SNX18: variants seen among roughly 807,000 people sequenced by gnomAD.
SNX18 encodes the protein sorting nexin-18.
SNX18 carries 35 observed loss-of-function variants against 48.7 expected under a neutral mutation model. The observed-to-expected ratio is 0.72, with a 90% CI of 0.55 to 0.95. The LOEUF (loss-of-function observed/expected upper bound fraction) is 0.95, where lower values mean the gene tolerates loss of function less well. Ranked by LOEUF, SNX18 falls within the 40% of genes least tolerant of loss-of-function variation. The pLI, the probability that SNX18 is intolerant of heterozygous loss-of-function variation, is 0.00. For missense variants in SNX18, 824 were observed against 871.0 expected, an observed-to-expected ratio of 0.95 and a Z score of 0.68; for synonymous variants, 492 against 384.7, an observed-to-expected ratio of 1.28 and a Z score of -3.26.
At chr5:54,552,111 C>T in the SNX18 span, among the ~76,000 whole-genome samples, 1 of 152,338 alleles carries the variant, frequency 6.6e-6, no homozygotes, top group South Asian at 2.1e-4. Flanking sequence ...GGTGCCGCGT[C>T]TGTCCACCAG....
At chr5:54,588,874 T>A in the SNX18 span, among the ~76,000 whole-genome samples, 5 of 152,226 alleles carry the variant, frequency 3.3e-5, no homozygotes, top group Non-Finnish European at 7.3e-5. Context: ...TGTCAAGGTA[T>A]CACTGAATTT....
At chr5:54,578,670 A>C in the SNX18 span, among the ~76,000 whole-genome samples, 1 of 152,188 alleles carries the variant, frequency 6.6e-6, no homozygotes, top group Non-Finnish European at 1.5e-5. Context: ...TGACAGAGAG[A>C]CAATAGGTGA....
At chr5:54,584,777 G>A in the SNX18 span, among the ~76,000 whole-genome samples, 5 of 152,144 alleles carry the variant, frequency 3.3e-5, no homozygotes, top group Admixed American at 2.0e-4. Flanking sequence ...AGAATGAGGA[G>A]GCATAGCTTT....
chr5:54,519,871 A>G, intron 1 of SNX18: 1 of 1,522,788 alleles, frequency 6.6e-7, no homozygotes, highest in Non-Finnish European at 8.9e-7. Context: ...AGCTGCTCAA[A>G]TCTGTAATCT....
chr5:54,539,264 G>C (rs11958807), intron 1 of SNX18, among the ~76,000 whole-genome samples: 62,462 of 151,960 alleles, frequency 0.41, 13,584 homozygotes, highest in Middle Eastern at 0.48. Context: ...TCAGCCTCCT[G>C]CTGGGTTACC....
chr5:54,622,752 T>C, the SNX18 span, among the ~76,000 whole-genome samples: 1,755 of 151,960 alleles, frequency 0.012, 20 homozygotes, highest in Middle Eastern at 0.031. Flanking sequence ...TCTATTAATT[T>C]ATCTAATGTT....
chr5:54,587,046 C>T, the SNX18 span, among the ~76,000 whole-genome samples: 1 of 150,414 alleles, frequency 6.6e-6, no homozygotes, highest in African/African-American at 2.5e-5. Context: ...TTACTCCAAA[C>T]TCCTGATGGC....
the SNX18 span, among the ~76,000 whole-genome samples, chr5:54,621,834 G>A: frequency 2.0e-5 from 3 of 152,114 alleles, no homozygotes; most frequent in South Asian, 2.1e-4. Flanking sequence ...CCAATAAAAC[G>A]CCCTGAATAT....
chr5:54,537,417 A>G (rs548527563), intron 1 of SNX18, among the ~76,000 whole-genome samples: 1 of 152,218 alleles, frequency 6.6e-6, no homozygotes. Context: ...GCTATTCCAG[A>G]TGCAGCTAAC....
the SNX18 span, among the ~76,000 whole-genome samples, chr5:54,562,237 G>C: frequency 6.6e-6 from 1 of 152,152 alleles, no homozygotes; most frequent in Non-Finnish European, 1.5e-5. Context: ...AGAGGGCCAT[G>C]GTAGGGGGAG....
the SNX18 span, among the ~76,000 whole-genome samples, chr5:54,580,171 A>G: frequency 1.3e-5 from 2 of 152,118 alleles, no homozygotes; most frequent in Non-Finnish European, 2.9e-5. Context: ...ACTTCCTGAT[A>G]TGGACTTTCA....
chr5:54,612,511 T>A, the SNX18 span, among the ~76,000 whole-genome samples: 8 of 152,034 alleles, frequency 5.3e-5, no homozygotes, highest in Non-Finnish European at 8.8e-5. Flanking sequence ...GATCTGCCGG[T>A]CTCGGCCTCC....
intron 1 of SNX18, among the ~76,000 whole-genome samples, chr5:54,537,134 G>A (rs999141857): frequency 8.5e-5 from 13 of 152,128 alleles, no homozygotes; most frequent in South Asian, 2.1e-4. Context: ...GTTGGAGACC[G>A]GCCTGGACAA....
chr5:54,626,512 G>A, the SNX18 span, among the ~76,000 whole-genome samples: 1 of 152,210 alleles, frequency 6.6e-6, no homozygotes, highest in South Asian at 2.1e-4. Context: ...ACCAGGTAGA[G>A]CAGCTCTCTG....
chr5:54,583,074 T>C, the SNX18 span, among the ~76,000 whole-genome samples: 1 of 152,216 alleles, frequency 6.6e-6, no homozygotes, highest in Non-Finnish European at 1.5e-5. Context: ...TTCACCATTG[T>C]ATGTGCTGTT....
At chr5:54,560,104 G>C in the SNX18 span, among the ~76,000 whole-genome samples, 1 of 152,162 alleles carries the variant, frequency 6.6e-6, no homozygotes. Context: ...AATACCATTT[G>C]ACCCAGCAAT....
chr5:54,554,732 T>C, the SNX18 span, among the ~76,000 whole-genome samples: 4 of 152,230 alleles, frequency 2.6e-5, no homozygotes, highest in Non-Finnish European at 5.9e-5. Flanking sequence ...TTCCATTCTT[T>C]AATGCATCAT....
chr5:54,584,145 G>A, the SNX18 span, among the ~76,000 whole-genome samples: 1 of 151,350 alleles, frequency 6.6e-6, no homozygotes, highest in South Asian at 2.1e-4. Flanking sequence ...CCGCTTCCTG[G>A]GTTCAAGCAA....
the SNX18 span, among the ~76,000 whole-genome samples, chr5:54,630,813 C>G: frequency 1.6e-5 from 2 of 124,882 alleles, no homozygotes; most frequent in Admixed American, 2.0e-4. Flanking sequence ...GCCTGGGCGA[C>G]AGAGCAAGAC....
Sources: allele counts gnomAD v4.1 joint callset (sites outside exome capture counted in the v4.1 genomes callset), GRCh38; gene constraint gnomAD v4.1.1; transcripts MANE v1.5; gene names NCBI Gene and HGNC (gene_info 2026-07-23, HGNC 2026-07-21).